The following PAX5 variants were observed in gnomAD, a reference collection of about 807,000 sequenced individuals.
PAX5 encodes paired box protein Pax-5.
A neutral mutation model predicts 43.7 loss-of-function variants in PAX5; 9 were observed. The ratio of observed to expected loss-of-function variants is 0.21; its 90% CI spans 0.12 to 0.36. The LOEUF (loss-of-function observed/expected upper bound fraction) is 0.36. PAX5 is among the 10% of genes least tolerant of loss of function. The pLI is 1.00. For missense variants in PAX5, 383 were observed against 532.7 expected (o/e 0.72, Z 2.77); for synonymous variants, 228 against 214.3 (o/e 1.06, Z -0.56).
At position 36,853,657 on chromosome 9, in the gene PAX5, T is replaced by C. The variant is rs558735902; in HGVS notation, c.1013-6728A>G. 3.3e-5 allele frequency among the ~76,000 whole-genome samples: 5 copies of C among 152,378 alleles called. No individual in the cohort carries two copies. The South Asian group carries it at 6.2e-4, about 19-fold the overall frequency. On this transcript the variant is annotated intron_variant, in intron 8 of 9. Coordinates refer to ENST00000358127, the MANE Select transcript of PAX5 (RefSeq NM_016734.3). ...ATGGTGGGTTTCCCCCAAACAGTACTGTCTTCCAATATAGAAGACGTGACT... is the reference window on the plus strand; with the variant it reads ...ATGGTGGGTTTCCCCCAAACAGTACCGTCTTCCAATATAGAAGACGTGACT...
chr9:36,837,689 TC>T lies in PAX5; in HGVS notation c.*2870del, dbSNP rs1821737707. On this transcript the variant is annotated 3_prime_UTR_variant, in exon 10 of 10. Coordinates refer to ENST00000358127, the MANE Select transcript of PAX5 (RefSeq NM_016734.3). ...GTGTGCATCCATGTGCGCTTGTGCT[TC>T]CGCCTGGCAGCCCAGGAGTCAAGTG... is the stretch of plus-strand genomic sequence containing the variant. The T allele has an allele frequency of 4.3e-6, 1 of 233,256 alleles. No individual in the cohort carries two copies. Among genetic ancestry groups the T allele is most frequent in the African/African-American group, 2.2e-5 (1 of 45,346 alleles). The allele number at this position is 233,256 out of a possible 1,614,324, so 14.4% of individuals were successfully genotyped here.
intron 1 of PAX5, among the ~76,000 whole-genome samples, chr9:37,033,314 C>T (rs896245160): frequency 2.6e-5 from 4 of 152,210 alleles, no homozygotes; most frequent in African/African-American, 9.7e-5. Context: ...CCCAGACCCA[C>T]GTCTAGGAGT....
intron 1 of PAX5, among the ~76,000 whole-genome samples, chr9:37,028,870 C>CT (rs1840688682): frequency 6.6e-6 from 1 of 152,222 alleles, no homozygotes; most frequent in Non-Finnish European, 1.5e-5. Flanking sequence ...AACTCTCTTG[C>CT]TACACAAGGG....
intron 8 of PAX5, among the ~76,000 whole-genome samples, chr9:36,847,803 C>G (rs998317697): frequency 6.6e-6 from 1 of 152,170 alleles, no homozygotes; most frequent in Non-Finnish European, 1.5e-5. Context: ...CCAGGAGAGC[C>G]TCTTTACTAC....
At chr9:36,903,265 C>T (rs1828552554) in intron 7 of PAX5, among the ~76,000 whole-genome samples, 1 of 152,176 alleles carries the variant, frequency 6.6e-6, no homozygotes, top group African/African-American at 2.4e-5. Context: ...AAGGGTGGCT[C>T]ACATATGTGG....
chr9:37,000,531 T>C (rs1333692032), intron 5 of PAX5, among the ~76,000 whole-genome samples: 2 of 152,196 alleles, frequency 1.3e-5, no homozygotes, highest in Non-Finnish European at 2.9e-5. Flanking sequence ...GGCAGGCACA[T>C]CACTTGAAGT....
intron 7 of PAX5, among the ~76,000 whole-genome samples, chr9:36,903,649 G>A (rs1828583214): frequency 6.6e-6 from 1 of 152,208 alleles, no homozygotes; most frequent in South Asian, 2.1e-4. Flanking sequence ...TGCTGTGTCT[G>A]CCCATCCACT....
chr9:36,967,062 G>A (rs1020422089), intron 5 of PAX5, among the ~76,000 whole-genome samples: 1 of 152,200 alleles, frequency 6.6e-6, no homozygotes, highest in African/African-American at 2.4e-5. Flanking sequence ...TTTGCCTGAG[G>A]ATTCGAGCTT....
intron 1 of PAX5, among the ~76,000 whole-genome samples, chr9:37,021,066 A>G (rs1839808504): frequency 6.6e-6 from 1 of 152,180 alleles, no homozygotes; most frequent in Admixed American, 6.5e-5. Context: ...TTTCCCCGTA[A>G]TTTTTCTAAA....
At chr9:36,954,401 A>G (rs1588071453) in intron 6 of PAX5, among the ~76,000 whole-genome samples, 1 of 152,240 alleles carries the variant, frequency 6.6e-6, no homozygotes, top group Non-Finnish European at 1.5e-5. Context: ...TTATTGAAGT[A>G]CATGATTTAG....
chr9:36,841,770 C>A (rs1402563968), intron 9 of PAX5, among the ~76,000 whole-genome samples: 1 of 152,218 alleles, frequency 6.6e-6, no homozygotes, highest in Non-Finnish European at 1.5e-5. Flanking sequence ...CATTTCCTGA[C>A]CCTGCTGGGG....
intron 6 of PAX5, among the ~76,000 whole-genome samples, chr9:36,929,251 AAGGAAGGAAGGAAGGAAGGAAGG>A (rs1830925369): frequency 8.4e-5 from 3 of 35,902 alleles, no homozygotes; most frequent in South Asian, 9.3e-4. Flanking sequence ...GGAAGGAAGG[AAGGAAGGAAGGAAGGAAGGAAGG>A]AAGGAAGGAA....
intron 7 of PAX5, among the ~76,000 whole-genome samples, chr9:36,895,619 T>G (rs1827796704): frequency 6.6e-6 from 1 of 152,160 alleles, no homozygotes; most frequent in Non-Finnish European, 1.5e-5. Flanking sequence ...GCCTGGCCCA[T>G]GTAAGTGCTC....
intron 8 of PAX5, among the ~76,000 whole-genome samples, chr9:36,878,720 G>A (rs923096974): frequency 2.6e-5 from 4 of 152,176 alleles, no homozygotes; most frequent in African/African-American, 7.2e-5. Flanking sequence ...GGACAGTGCC[G>A]GGGGTAGTGT....
At chr9:36,976,444 C>T (rs796964828) in intron 5 of PAX5, among the ~76,000 whole-genome samples, 13 of 152,234 alleles carry the variant, frequency 8.5e-5, no homozygotes, top group East Asian at 5.8e-4. Context: ...GATGGGATTC[C>T]GGGTACAGGC....
rs557611578 is a variant in PAX5, at chr9:36,901,238, T to C, written c.911-19133A>G. Among the ~76,000 whole-genome samples, 9 of 152,100 alleles carry C rather than the reference T, an allele frequency of 5.9e-5. No homozygotes were observed. In the East Asian group the frequency reaches 1.6e-3, roughly 26 times the overall value. On this transcript the variant is annotated intron_variant, in intron 7 of 9. Transcript: ENST00000358127. Reference sequence around the variant, plus strand: ...CCTCAGGGACCTGGGCCCTCCCTCATCTCCAGCTGCTTTCTTCACTCATCC... The same window carrying C: ...CCTCAGGGACCTGGGCCCTCCCTCACCTCCAGCTGCTTTCTTCACTCATCC...
chr9:37,014,886 G>A (rs564029296), intron 3 of PAX5, 111 bp downstream of exon 3: 32 of 981,460 alleles, frequency 3.3e-5, no homozygotes, highest in Non-Finnish European at 4.9e-5. Context: ...TAACCCCTAA[G>A]GGGCCTTGGT....
At chr9:37,014,211 G>A (rs1478105961) in intron 3 of PAX5, among the ~76,000 whole-genome samples, 1 of 152,162 alleles carries the variant, frequency 6.6e-6, no homozygotes, top group African/African-American at 2.4e-5. Flanking sequence ...AAAGCTCTGA[G>A]AGCGCCCTTC....
chr9:36,867,486 C>T (rs981125477), intron 8 of PAX5, among the ~76,000 whole-genome samples: 3 of 151,508 alleles, frequency 2.0e-5, no homozygotes, highest in Non-Finnish European at 4.4e-5. Flanking sequence ...CCGTGAGGCT[C>T]CACTGCAATT....
Sources: allele counts gnomAD v4.1 joint callset (sites outside exome capture counted in the v4.1 genomes callset), GRCh38; gene constraint gnomAD v4.1.1; transcripts MANE v1.5; gene names NCBI Gene and HGNC (gene_info 2026-07-23, HGNC 2026-07-21).